ELAPOR1: variants seen among roughly 807,000 people sequenced by gnomAD.
ELAPOR1 encodes the protein endosome-lysosome associated apoptosis and autophagy regulator 1.
Under a neutral mutation model 119.7 loss-of-function variants are expected in ELAPOR1, and 77 were observed. The observed-to-expected ratio is 0.64, with a 90% CI of 0.54 to 0.78. ELAPOR1 has a LOEUF of 0.78. ELAPOR1 is among the 30% of genes least tolerant of loss of function. The pLI is 0.00. For synonymous variants in ELAPOR1, 481 were observed against 487.2 expected (o/e 0.99, Z 0.17); for missense variants, 1,115 against 1,270.4 (o/e 0.88, Z 1.86).
At chr1:109,157,850 T>C (rs908166548) in intron 1 of ELAPOR1, among the ~76,000 whole-genome samples, 2 of 152,210 alleles carry the variant, frequency 1.3e-5, no homozygotes, top group Non-Finnish European at 2.9e-5. Flanking sequence ...AGCTCTAGCA[T>C]CTAACCCATA....
Position 109,144,061 on chromosome 1 carries a change from A to ATATTTTTTTTTTTT in ELAPOR1, c.154-17832_154-17831insATTTTTTTTTTTTT. On this transcript the variant is annotated intron_variant, in intron 1 of 21. Transcript: ENST00000369939. Reference sequence around the variant, plus strand: ...TATATATATATATATATATTTATATATTTTTTTTTTTTTTTGAGATGGAGT... The same window carrying ATATTTTTTTTTTTT: ...TATATATATATATATATATTTATATATATTTTTTTTTTTTTTTTTTTTTTTTTTTGAGATGGAGT... Among the ~76,000 whole-genome samples the ATATTTTTTTTTTTT allele has an allele frequency of 9.1e-4, 81 of 88,968 alleles. 3 individuals are homozygous for ATATTTTTTTTTTTT. The highest frequency in any genetic ancestry group is 3.3e-3 in the African/African-American group (68 of 20,722). 58.4% of individuals were successfully genotyped at this position (88,968 alleles called of 152,430 possible).
chr1:109,116,475 T>A (rs563543901), intron 1 of ELAPOR1, among the ~76,000 whole-genome samples: 1 of 152,316 alleles, frequency 6.6e-6, no homozygotes, highest in Admixed American at 6.5e-5. Context: ...GCATGCCCAT[T>A]TGCCACAGGC....
At position 109,171,965 on chromosome 1, in the gene ELAPOR1, T is replaced by C. The variant is rs1466067505; in HGVS notation, c.567T>C (p.Val189=). Reference sequence around the variant, plus strand: ...TCAACCTGAAGCAATCTGGCACCGTTAACTTCGAATACTACTATCCAGACT... The same window carrying C: ...TCAACCTGAAGCAATCTGGCACCGTCAACTTCGAATACTACTATCCAGACT... ...YAVNLKQSGT[V]NFEYYYPDSS... The change falls in exon 4 of 22, where the codon GTT becomes GTC. Residue 189 remains valine, a synonymous_variant. Transcript: ENST00000369939. 3 of 1,614,204 alleles carry C rather than the reference T, an allele frequency of 1.9e-6. No homozygotes were observed. Among genetic ancestry groups the C allele is most frequent in the Non-Finnish European group, 2.5e-6 (3 of 1,180,042 alleles).
chr1:109,144,055 T>TATATATATATATATATATA (rs1558029151), intron 1 of ELAPOR1, among the ~76,000 whole-genome samples: 7 of 64,360 alleles, frequency 1.1e-4, no homozygotes, highest in African/African-American at 3.4e-4. Context: ...ATATATATAT[T>TATATATATATATATATATA]TATATATTTT....
intron 11 of ELAPOR1, 70 bp from the exon 12 acceptor site, chr1:109,191,296 G>A: frequency 9.7e-7 from 1 of 1,036,252 alleles, no homozygotes; most frequent in Non-Finnish European, 1.5e-6. Context: ...CAGACGCTCT[G>A]CTGTTGTCTG....
Position 109,191,787 on chromosome 1 carries a change from C to T in ELAPOR1, c.1607C>T (p.Ser536Phe), listed in dbSNP as rs776757027. The T allele has an allele frequency of 5.6e-6, 9 of 1,614,210 alleles. No individual in the cohort carries two copies. The Admixed American group carries it at 1.5e-4, about 27-fold the overall frequency. ...ETWKGSKGKQSYTYIIEENTT... is the reference protein window; with the variant it reads ...ETWKGSKGKQFYTYIIEENTT... ...TGGAAAGGTTCCAAAGGCAAACAGT[C>T]CTATACCTACATCATTGAGGAGAAC... Residue 536 changes from serine (S) to phenylalanine (F), a missense_variant, in exon 13 of 22, where the codon TCC becomes TTC. Physicochemically the swap from Ser to Phe is radical, Grantham distance 155. Coordinates refer to ENST00000369939, the MANE Select transcript of ELAPOR1 (RefSeq NM_020775.5).
chr1:109,137,507 A>G (rs2100991676), intron 1 of ELAPOR1, among the ~76,000 whole-genome samples: 1 of 146,574 alleles, frequency 6.8e-6, no homozygotes, highest in African/African-American at 2.5e-5. Context: ...CCCGACCTAA[A>G]TTTATTTATT....
intron 1 of ELAPOR1, among the ~76,000 whole-genome samples, chr1:109,118,044 T>C (rs993816818): frequency 3.3e-5 from 5 of 152,052 alleles, no homozygotes; most frequent in African/African-American, 7.2e-5. Context: ...GGAGAATCAC[T>C]TGAACCTGGG....
chr1:109,186,918 T>C (rs1263849634), intron 8 of ELAPOR1: 2 of 985,334 alleles, frequency 2.0e-6, no homozygotes. Flanking sequence ...AAGCCTGTGT[T>C]CCCGCCTTGC....
intron 7 of ELAPOR1, among the ~76,000 whole-genome samples, chr1:109,181,591 G>A (rs751482223): frequency 5.9e-5 from 9 of 152,152 alleles, no homozygotes; most frequent in Non-Finnish European, 1.2e-4. Flanking sequence ...AGCAGAGAAA[G>A]GTCTTGGTGT....
At chr1:109,183,328 C>CAAA (rs67807553) in intron 7 of ELAPOR1, among the ~76,000 whole-genome samples, 4 of 29,444 alleles carry the variant, frequency 1.4e-4, no homozygotes, top group African/African-American at 5.1e-4. Context: ...CTGTCTCTAC[C>CAAA]AAAAAAAAAA....
intron 7 of ELAPOR1, among the ~76,000 whole-genome samples, chr1:109,182,920 A>G (rs947094197): frequency 2.0e-5 from 3 of 152,030 alleles, no homozygotes; most frequent in African/African-American, 7.2e-5. Context: ...CTTGCCAGGT[A>G]ATATAAAGAG....
intron 7 of ELAPOR1, among the ~76,000 whole-genome samples, chr1:109,174,743 T>C (rs1156377655): frequency 1.3e-5 from 2 of 149,232 alleles, no homozygotes; most frequent in African/African-American, 5.0e-5. Context: ...TGAGACGGAG[T>C]CTTTCTCTGT....
At chr1:109,177,868 C>A (rs922199353) in intron 7 of ELAPOR1, among the ~76,000 whole-genome samples, 1 of 152,114 alleles carries the variant, frequency 6.6e-6, no homozygotes, top group Non-Finnish European at 1.5e-5. Context: ...TTTTGATCAA[C>A]TCTGTGTAAG....
intron 1 of ELAPOR1, among the ~76,000 whole-genome samples, chr1:109,131,360 G>A (rs1055118384): frequency 3.9e-5 from 6 of 152,136 alleles, no homozygotes; most frequent in Non-Finnish European, 5.9e-5. Context: ...AGCAAGTCAC[G>A]AAATTCAGTG....
At position 109,127,826 on chromosome 1, in the gene ELAPOR1, AGTG is replaced by A. The variant is rs1010414044; in HGVS notation, c.153+13495_153+13497del. 3.3e-5 allele frequency among the ~76,000 whole-genome samples: 5 copies of A among 150,514 alleles called. No homozygotes were observed. The East Asian group carries it at 9.7e-4, about 29-fold the overall frequency. On this transcript the variant is annotated intron_variant, in intron 1 of 21. Transcript: ENST00000369939. ...TCATCCTCCCACCTTGGCCTTCCAA[AGTG>A]GTGGGATTGCAGACATGAGCCACTG...
At chr1:109,150,874 A>G (rs181641345) in intron 1 of ELAPOR1, among the ~76,000 whole-genome samples, 264 of 152,282 alleles carry the variant, frequency 1.7e-3, no homozygotes, top group African/African-American at 6.2e-3. Flanking sequence ...TAAAATATTA[A>G]GCTATTTTAA....
rs147208761 is a variant in ELAPOR1 at position 109,126,756 on chromosome 1, C to T, written c.153+12420C>T. Among the ~76,000 whole-genome samples the T allele has an allele frequency of 1.8e-3, 270 of 152,338 alleles. 1 individual carries two copies. Among genetic ancestry groups the T allele is most frequent in the Non-Finnish European group, 2.9e-3 (195 of 68,034 alleles). On this transcript the variant is annotated intron_variant, in intron 1 of 21. Coordinates refer to ENST00000369939, the MANE Select transcript of ELAPOR1 (RefSeq NM_020775.5). ...AAAATGCTGGGATTACAGGTGTCAG[C>T]CTCCGTGCTTGGCCTGTAGCATGGA... is the stretch of plus-strand genomic sequence containing the variant.
rs979640633 is a variant in ELAPOR1, at chr1:109,187,919, A to G, written c.1042-258A>G. The G allele has an allele frequency of 2.5e-6, 3 of 1,211,768 alleles. No individual in the cohort carries two copies. In the African/African-American group the frequency reaches 4.6e-5, roughly 18 times the overall value. 75.1% of individuals were successfully genotyped at this position (1,211,768 alleles called of 1,614,324 possible). A position where few individuals can be genotyped will look rare whatever the true frequency, so the allele number is the denominator to read the frequency against. On this transcript the variant is annotated intron_variant, in intron 8 of 21. Transcript: ENST00000369939. ...GACAACTGGTCCCACATTCTCTGTC[A>G]TAAAGTCTTCATTAGAGCTATTCCT...
Sources: gnomAD v4.1 joint callset for allele counts (sites outside exome capture counted in the v4.1 genomes callset) on GRCh38, gnomAD v4.1.1 for gene constraint, MANE v1.5 for transcripts, NCBI Gene and HGNC (gene_info 2026-07-23, HGNC 2026-07-21) for gene names.